Variants in ABCE1 observed in about 807,000 individuals in gnomAD.
The protein encoded by ABCE1 is ATP-binding cassette sub-family E member 1.
ABCE1 carries 22 observed loss-of-function variants against 83.4 expected under a neutral mutation model. The ratio of observed to expected loss-of-function variants is 0.26; its 90% CI spans 0.19 to 0.38. The LOEUF is 0.38. Ranked by LOEUF, ABCE1 falls within the 10% of genes least tolerant of loss-of-function variation. The pLI is 1.00. For synonymous variants in ABCE1, 204 were observed against 233.7 expected (o/e 0.87, Z 1.16); for missense variants, 330 against 721.9 (o/e 0.46, Z 6.22).
At position 145,105,702 on chromosome 4, in the gene ABCE1, T is replaced by C; in HGVS notation, c.189+12T>C. Reference sequence around the variant, plus strand: ...GTATCTGTATTAAGGTAAGTAATATTTTATTTACTGGATCAAACGTGTAAC... The same window carrying C: ...GTATCTGTATTAAGGTAAGTAATATCTTATTTACTGGATCAAACGTGTAAC... On this transcript the variant is annotated intron_variant, in intron 3 of 17. Coordinates refer to ENST00000296577, the MANE Select transcript of ABCE1 (RefSeq NM_002940.3). 1 of 1,541,654 alleles carries C rather than the reference T, an allele frequency of 6.5e-7. No individual in the cohort carries two copies. The highest frequency in any genetic ancestry group is 8.9e-7 in the Non-Finnish European group (1 of 1,121,280).
rs1434152778 is a variant in ABCE1, at chr4:145,123,010, A to G, written c.1264-11A>G. 2.6e-6 allele frequency: 4 copies of G among 1,522,656 alleles called. No individual in the cohort carries two copies. Among genetic ancestry groups the G allele is most frequent in the Non-Finnish European group, 3.6e-6 (4 of 1,125,360 alleles). The allele number at this position is 1,522,656 out of a possible 1,614,324, so 94.3% of individuals were successfully genotyped here. A position where few individuals can be genotyped will look rare whatever the true frequency, so the allele number is the denominator to read the frequency against. ...GTTTATCATTTAAATACTTTTTTAT[A>G]TTAAAAACAGGGAAGTGTTCGCCAG... On this transcript the variant is annotated splice_polypyrimidine_tract_variant and intron_variant, in intron 13 of 17. Transcript: ENST00000296577.
chr4:145,113,927 T>C (rs1749547355), intron 9 of ABCE1, among the ~76,000 whole-genome samples: 1 of 152,090 alleles, frequency 6.6e-6, no homozygotes, highest in Non-Finnish European at 1.5e-5. Context: ...TTCAGAAACC[T>C]GGAGAATGTA....
intron 7 of ABCE1, 102 bp from the exon 8 acceptor site, chr4:145,110,866 T>G: frequency 1.4e-6 from 1 of 725,492 alleles, no homozygotes; most frequent in East Asian, 2.7e-5. Context: ...TAAACAATTT[T>G]CAACTGAAAT....
chr4:145,111,248 G>A, intron 8 of ABCE1, 184 bp downstream of exon 8: 1 of 433,000 alleles, frequency 2.3e-6, no homozygotes, highest in Non-Finnish European at 4.1e-6. Flanking sequence ...TATTCACAGG[G>A]GAAAATATTT....
At position 145,104,931 on chromosome 4, in the gene ABCE1, A is replaced by G. The variant is rs557446089; in HGVS notation, c.103+416A>G. On this transcript the variant is annotated intron_variant, in intron 2 of 17. Transcript: ENST00000296577. ...AACAAAGAGCTTAATAAGAATGACT[A>G]TTCATAAGGTTTAACTATATTTTGA... Among the ~76,000 whole-genome samples the G allele has an allele frequency of 1.2e-4, 18 of 152,154 alleles. 1 individual carries two copies. Among genetic ancestry groups the G allele is most frequent in the African/African-American group, 2.9e-4 (12 of 41,558 alleles).
intron 3 of ABCE1, among the ~76,000 whole-genome samples, chr4:145,106,668 A>T (rs927179662): frequency 6.6e-6 from 1 of 152,082 alleles, no homozygotes; most frequent in Non-Finnish European, 1.5e-5. Context: ...GAACACTAAG[A>T]TATTATAATG....
chr4:145,112,215 G>GT, intron 8 of ABCE1, 24 bp from the exon 9 acceptor site: 10 of 1,113,784 alleles, frequency 9.0e-6, no homozygotes, highest in South Asian at 3.2e-5. Context: ...ACTTATATTT[G>GT]CTTTTTTTTT....
At chr4:145,100,927 G>A (rs184526568) in intron 1 of ABCE1, among the ~76,000 whole-genome samples, 86 of 152,124 alleles carry the variant, frequency 5.7e-4, no homozygotes, top group African/African-American at 2.0e-3. Flanking sequence ...TTCAGCCACT[G>A]GAATGAACAA....
Position 145,128,105 on chromosome 4 carries a change from TTATC to T in ABCE1, c.*535_*538del, listed in dbSNP as rs1749942660. The T allele has an allele frequency of 6.6e-6, 1 of 152,636 alleles. No homozygotes were observed. Among genetic ancestry groups the T allele is most frequent in the African/African-American group, 2.4e-5 (1 of 41,460 alleles). The allele number at this position is 152,636 out of a possible 1,614,324, so 9.5% of individuals were successfully genotyped here. ...ACCAGTATATGGTTTCCGAGGAAGA[TTATC>T]TACTGCAAAACACCACTGTTGGAAA... On this transcript the variant is annotated 3_prime_UTR_variant, in exon 18 of 18. Transcript: ENST00000296577.
Position 145,109,142 on chromosome 4 carries a change from C to G in ABCE1, c.298C>G (p.Pro100Ala). The change falls in exon 5 of 18, where the codon CCT becomes GCT. Residue 100 changes from proline to alanine, a missense_variant. By Grantham distance (27) the Pro-to-Ala change is conservative. Transcript: ENST00000296577. ...GTATACTTGTAACAGGTTGCCTATCCCTCGTCCAGGTGAAGTTTTGGGATT... is the reference window on the plus strand; with the variant it reads ...GTATACTTGTAACAGGTTGCCTATCGCTCGTCCAGGTGAAGTTTTGGGATT... ...NAFKLHRLPI[P>A]RPGEVLGLVG... The G allele has an allele frequency of 6.2e-7, 1 of 1,610,796 alleles. No homozygotes were observed. The highest frequency in any genetic ancestry group is 8.5e-7 in the Non-Finnish European group (1 of 1,178,462).
rs1749932802 is a variant in ABCE1, at chr4:145,127,755, C to T, written c.*182C>T. The stretch of plus-strand genomic sequence containing the variant: ...ATTGTAGTTGAAACACAGAAAATGC[C>T]ACTTTTCTGTTCCTGAAGAGGCTCT... On this transcript the variant is annotated 3_prime_UTR_variant, in exon 18 of 18. Coordinates refer to ENST00000296577, the MANE Select transcript of ABCE1 (RefSeq NM_002940.3). 2.2e-6 allele frequency: 1 copy of T among 464,832 alleles called. No individual in the cohort carries two copies. The highest frequency in any genetic ancestry group is 3.7e-6 in the Non-Finnish European group (1 of 269,068). 28.8% of individuals were successfully genotyped at this position (464,832 alleles called of 1,614,324 possible). A position where few individuals can be genotyped will look rare whatever the true frequency, so the allele number is the denominator to read the frequency against.
At chr4:145,107,985 C>G (rs1043160845) in intron 3 of ABCE1, 30 bp from the exon 4 acceptor site, 4 of 1,551,032 alleles carry the variant, frequency 2.6e-6, no homozygotes, top group Non-Finnish European at 3.5e-6. Flanking sequence ...CAAATTAATA[C>G]AAAAATTAAT....
intron 6 of ABCE1, 29 bp downstream of exon 6, chr4:145,110,269 G>C (rs752957708): frequency 6.3e-7 from 1 of 1,597,668 alleles, no homozygotes; most frequent in Non-Finnish European, 8.5e-7. Flanking sequence ...GAACTTAACG[G>C]ATATTAGTAG....
At chr4:145,116,746 C>G (rs919940452) in intron 9 of ABCE1, among the ~76,000 whole-genome samples, 5 of 151,974 alleles carry the variant, frequency 3.3e-5, no homozygotes, top group African/African-American at 1.2e-4. Context: ...CCAGTACCCA[C>G]TAACCTATTT....
rs773869123 is a variant in ABCE1 at position 145,123,352 on chromosome 4, C to T, written c.1512C>T (p.Val504=). The T allele has an allele frequency of 6.2e-7, 1 of 1,604,140 alleles. No homozygotes were observed. Among genetic ancestry groups the T allele is most frequent in the Non-Finnish European group, 8.5e-7 (1 of 1,174,946 alleles). Residue 504 remains valine, a synonymous_variant, in exon 15 of 18, where the codon GTC becomes GTT. Transcript: ENST00000296577. ...AAAGACTGATGGCAGCTCGAGTTGTCAAACGGTAAATATCTTGCTCCTAGC... is the reference window on the plus strand; with the variant it reads ...AAAGACTGATGGCAGCTCGAGTTGTTAAACGGTAAATATCTTGCTCCTAGC... ...SEQRLMAARV[V]KRFILHAKKT...
rs1749177972 is a variant in ABCE1, at chr4:145,102,447, AT to A, written c.-27-1937del. ...AGACAGAAGGGAGAATTGTTGGGAC[AT>A]TCTTATGGAATGTCTTCTAGTGTAC... On this transcript the variant is annotated intron_variant, in intron 1 of 17. Coordinates refer to ENST00000296577, the MANE Select transcript of ABCE1 (RefSeq NM_002940.3). 3.9e-5 allele frequency among the ~76,000 whole-genome samples: 6 copies of A among 152,330 alleles called. No homozygotes were observed. In the South Asian group the frequency reaches 1.2e-3, roughly 32 times the overall value.
chr4:145,108,193 G>C (rs1207012374), intron 4 of ABCE1, 81 bp downstream of exon 4: 20 of 1,245,724 alleles, frequency 1.6e-5, no homozygotes, highest in Non-Finnish European at 2.2e-5. Context: ...TGCAGAAATT[G>C]GGGGGAAATG....
chr4:145,108,563 C>T (rs1579211988), intron 4 of ABCE1, among the ~76,000 whole-genome samples: 1 of 152,204 alleles, frequency 6.6e-6, no homozygotes, highest in East Asian at 1.9e-4. Flanking sequence ...ACAAATAAAT[C>T]CTTAGTTTGG....
At chr4:145,110,306 C>T (rs896594251) in intron 6 of ABCE1, 66 bp downstream of exon 6, 8 of 1,597,212 alleles carry the variant, frequency 5.0e-6, no homozygotes, top group Non-Finnish European at 6.8e-6. Flanking sequence ...TCAAAATAAA[C>T]TTGTTTTACT....
Sources: allele counts gnomAD v4.1 joint callset (sites outside exome capture counted in the v4.1 genomes callset), GRCh38; gene constraint gnomAD v4.1.1; transcripts MANE v1.5; gene names NCBI Gene and HGNC (gene_info 2026-07-23, HGNC 2026-07-21).